Variants in TMEM53 observed in about 807,000 individuals in gnomAD.
TMEM53 encodes novel DUF829 domain-containing protein.
Under a neutral mutation model 21.4 loss-of-function variants are expected in TMEM53, and 14 were observed. The observed-to-expected ratio is 0.65, with a 90% confidence interval of 0.43 to 1.02. The LOEUF is 1.02. Among genes scored for constraint, TMEM53 ranks in the 50% least tolerant of loss-of-function variants. The pLI is 0.00. For synonymous variants in TMEM53, 148 were observed against 157.4 expected (o/e 0.94, Z 0.45); for missense variants, 323 against 383.6 (o/e 0.84, Z 1.32).
chr1:44,660,452 G>A (rs542959930), intron 1 of TMEM53, among the ~76,000 whole-genome samples, 157 bp from the exon 2 acceptor site: 40 of 152,356 alleles, frequency 2.6e-4, no homozygotes, highest in African/African-American at 8.7e-4. Flanking sequence ...TTCCCACCCC[G>A]TGCTGCTCCA....
chr1:44,671,853 C>T (rs1056447013), intron 1 of TMEM53, among the ~76,000 whole-genome samples: 3 of 152,172 alleles, frequency 2.0e-5, no homozygotes, highest in Non-Finnish European at 2.9e-5. Context: ...TGCTTGAAGC[C>T]AGGAGGCGGA....
At chr1:44,667,315 G>GTTTT (rs5773848) in intron 1 of TMEM53, among the ~76,000 whole-genome samples, 5 of 138,280 alleles carry the variant, frequency 3.6e-5, no homozygotes, top group African/African-American at 1.0e-4. Flanking sequence ...TTTTTTTGTT[G>GTTTT]TTTTTTTTTT....
At chr1:44,673,097 T>C (rs1219786974) in intron 1 of TMEM53, among the ~76,000 whole-genome samples, 1 of 152,346 alleles carries the variant, frequency 6.6e-6, no homozygotes, top group South Asian at 2.1e-4. Flanking sequence ...ATTAACTGAC[T>C]TCATGGCTTG....
chr1:44,660,346 G>T, intron 1 of TMEM53, 51 bp from the exon 2 acceptor site: 4 of 1,569,174 alleles, frequency 2.5e-6, no homozygotes, highest in Non-Finnish European at 2.6e-6. Context: ...GGGGGCGGGG[G>T]TGACTGCCCA....
chr1:44,673,824 C>T, intron 1 of TMEM53: 6 of 983,554 alleles, frequency 6.1e-6, no homozygotes, highest in Non-Finnish European at 7.2e-6. Context: ...TTCTACCCGA[C>T]GGCAGAGACT....
Position 44,653,451 on chromosome 1 carries a change from T to C in TMEM53, c.*1108A>G, listed in dbSNP as rs960154424. On this transcript the variant is annotated 3_prime_UTR_variant, in exon 3 of 3. Coordinates refer to ENST00000372237, the MANE Select transcript of TMEM53 (RefSeq NM_024587.4). ...TTACCCTGGTTCTGGTCTTTAGGGC[T>C]TGGGAGTTAGCTCATCCCAGCTCCT... 12 of 152,264 alleles carry C rather than the reference T, an allele frequency of 7.9e-5. No homozygotes were observed. Among genetic ancestry groups the C allele is most frequent in the African/African-American group, 2.9e-4 (12 of 41,460 alleles). 9.4% of individuals were successfully genotyped at this position (152,264 alleles called of 1,614,324 possible).
chr1:44,666,908 G>C (rs1016232465), intron 1 of TMEM53, among the ~76,000 whole-genome samples: 2 of 151,796 alleles, frequency 1.3e-5, no homozygotes, highest in African/African-American at 4.8e-5. Context: ...GCAGTAGTGA[G>C]ATCATGGCTT....
At chr1:44,673,584 T>TA (rs1309816018) in intron 1 of TMEM53, among the ~76,000 whole-genome samples, 1 of 152,228 alleles carries the variant, frequency 6.6e-6, no homozygotes, top group East Asian at 1.9e-4. Flanking sequence ...TGGAGAATCC[T>TA]ACATGTCTTT....
chr1:44,670,908 AG>A (rs1278334487), intron 1 of TMEM53, among the ~76,000 whole-genome samples: 1 of 152,202 alleles, frequency 6.6e-6, no homozygotes, highest in Non-Finnish European at 1.5e-5. Context: ...GAGGGGATCT[AG>A]GTGGGACTTG....
At chr1:44,663,324 T>G (rs1353723365) in intron 1 of TMEM53, among the ~76,000 whole-genome samples, 1 of 152,184 alleles carries the variant, frequency 6.6e-6, no homozygotes, top group Non-Finnish European at 1.5e-5. Flanking sequence ...CACTGCAACC[T>G]CCGCCCCCTG....
At chr1:44,664,977 GA>G (rs1456356913) in intron 1 of TMEM53, among the ~76,000 whole-genome samples, 2 of 151,488 alleles carry the variant, frequency 1.3e-5, no homozygotes, top group Non-Finnish European at 2.9e-5. Flanking sequence ...TCCAGCCCAC[GA>G]TGCTGATGCT....
intron 1 of TMEM53, among the ~76,000 whole-genome samples, chr1:44,664,505 C>T (rs1644930949): frequency 6.6e-6 from 1 of 151,578 alleles, no homozygotes; most frequent in African/African-American, 2.4e-5. Context: ...TCTCATTTTA[C>T]AGACGAAAAC....
chr1:44,654,295 G>A lies in TMEM53; in HGVS notation c.*264C>T. On this transcript the variant is annotated 3_prime_UTR_variant, in exon 3 of 3. Coordinates refer to ENST00000372237, the MANE Select transcript of TMEM53 (RefSeq NM_024587.4). This position sits in a 1 kb window ranked among gnomAD's most constrained non-coding sequence, Gnocchi z 7.0. Reference sequence around the variant, plus strand: ...TGCCACAGGAATCAGCAGCCTGACTGTTGCACTTGTCCAAACACAACTGAC... The same window carrying A: ...TGCCACAGGAATCAGCAGCCTGACTATTGCACTTGTCCAAACACAACTGAC... 2.1e-6 allele frequency: 1 copy of A among 469,876 alleles called. No homozygotes were observed. The highest frequency in any genetic ancestry group is 3.2e-5 in the South Asian group (1 of 31,672). The allele number at this position is 469,876 out of a possible 1,614,324, so 29.1% of individuals were successfully genotyped here.
At chr1:44,673,734 G>C (rs758352952) in intron 1 of TMEM53, 21 of 633,472 alleles carry the variant, frequency 3.3e-5, no homozygotes, top group Non-Finnish European at 3.7e-5. Context: ...GTTTTGCAGA[G>C]GAGGAAACTG....
intron 1 of TMEM53, among the ~76,000 whole-genome samples, chr1:44,668,053 A>G (rs1399353315): frequency 3.3e-5 from 5 of 152,208 alleles, no homozygotes; most frequent in African/African-American, 1.2e-4. Flanking sequence ...GGGAAGACAA[A>G]GGAATGGGCT....
chr1:44,654,588 C>T lies in TMEM53; in HGVS notation c.805G>A (p.Asp269Asn), dbSNP rs1473251639. 3.1e-6 allele frequency: 5 copies of T among 1,608,140 alleles called. No individual in the cohort carries two copies. In the South Asian group the frequency reaches 3.3e-5, roughly 11 times the overall value. Residue 269 changes from aspartate to asparagine, a missense_variant, in exon 3 of 3, where the codon GAC becomes AAC. Asp to Asn is a conservative substitution (Grantham distance 23). Coordinates refer to ENST00000372237, the MANE Select transcript of TMEM53 (RefSeq NM_024587.4). This position sits in a 1 kb window ranked among gnomAD's most constrained non-coding sequence, Gnocchi z 7.0. ...CAGCGGACGCAGTTGCGCATGAAGT[C>T]GACACAGAGGCTTGTGTAGTAAGTA... is the stretch of plus-strand genomic sequence containing the variant. ...YPTYYTSLCV[D>N]FMRNCVRC
rs1573214294 is a variant in TMEM53 at position 44,654,296 on chromosome 1, T to C, written c.*263A>G. 4.2e-6 allele frequency: 2 copies of C among 470,850 alleles called. No homozygotes were observed. Among genetic ancestry groups the C allele is most frequent in the South Asian group, 6.3e-5 (2 of 31,956 alleles). 29.2% of individuals were successfully genotyped at this position (470,850 alleles called of 1,614,324 possible). A position where few individuals can be genotyped will look rare whatever the true frequency, so the allele number is the denominator to read the frequency against. ...GCCACAGGAATCAGCAGCCTGACTG[T>C]TGCACTTGTCCAAACACAACTGACT... On this transcript the variant is annotated 3_prime_UTR_variant, in exon 3 of 3. Transcript: ENST00000372237. The surrounding 1 kb of genome is among the most constrained non-coding windows in gnomAD (Gnocchi z 7.0).
intron 2 of TMEM53, among the ~76,000 whole-genome samples, chr1:44,658,759 C>T (rs528924661): frequency 1.4e-4 from 22 of 152,266 alleles, no homozygotes; most frequent in African/African-American, 5.1e-4. Flanking sequence ...ACCATGTTGG[C>T]CAGGCTGGTC....
At chr1:44,668,792 C>A (rs1006574867) in intron 1 of TMEM53, among the ~76,000 whole-genome samples, 1 of 152,222 alleles carries the variant, frequency 6.6e-6, no homozygotes, top group Non-Finnish European at 1.5e-5. Context: ...ATCCACCCCC[C>A]TCGGCCTCCC....
Sources: allele counts gnomAD v4.1 joint callset (sites outside exome capture counted in the v4.1 genomes callset), GRCh38; gene constraint gnomAD v4.1.1; non-coding constraint Gnocchi (gnomAD v3.1); transcripts MANE v1.5; gene names NCBI Gene and HGNC (gene_info 2026-07-23, HGNC 2026-07-21).